The following XKR9 variants were observed in gnomAD, a reference collection of about 807,000 sequenced individuals.
XKR9 encodes XK related 9.
In XKR9, 32 loss-of-function variants were observed where a neutral mutation model predicts 32.0. The ratio of observed to expected loss-of-function variants is 1.00; its 90% CI spans 0.76 to 1.34. XKR9 has a LOEUF of 1.34. XKR9 is among the 40% of genes most tolerant of loss of function. The pLI is 0.00. For synonymous variants in XKR9, 168 were observed against 143.4 expected (o/e 1.17, Z -1.22); for missense variants, 546 against 429.7 (o/e 1.27, Z -2.39).
chr8:70,785,213 A>G (rs751506867), intron 2 of XKR9, among the ~76,000 whole-genome samples: 13 of 151,792 alleles, frequency 8.6e-5, no homozygotes, highest in Non-Finnish European at 1.3e-4. Context: ...CAGATTTTCT[A>G]TTTCTTCATT....
chr8:70,770,731 C>T (rs1399289099), intron 2 of XKR9, among the ~76,000 whole-genome samples: 1 of 152,160 alleles, frequency 6.6e-6, no homozygotes, highest in African/African-American at 2.4e-5. Flanking sequence ...AAACTGCCTA[C>T]TCAAGCCTCA....
chr8:71,062,998 A>G, the XKR9 span, among the ~76,000 whole-genome samples: 1 of 152,104 alleles, frequency 6.6e-6, no homozygotes, highest in Non-Finnish European at 1.5e-5. Context: ...TTGCAGATGT[A>G]TTCTTGCACT....
At chr8:70,883,658 C>A in the XKR9 span, among the ~76,000 whole-genome samples, 1 of 152,036 alleles carries the variant, frequency 6.6e-6, no homozygotes, top group East Asian at 1.9e-4. Flanking sequence ...TTCAGATTGG[C>A]TTCTTTCACT....
chr8:70,734,279 T>C lies in XKR9; in HGVS notation c.977T>C (p.Val326Ala). 2.5e-6 allele frequency: 4 copies of C among 1,612,672 alleles called. No homozygotes were observed. The highest frequency in any genetic ancestry group is 3.4e-6 in the Non-Finnish European group (4 of 1,179,214). Residue 326 changes from valine to alanine, a missense_variant, in exon 5 of 5, where the codon GTT (valine) becomes GCT (alanine). Physicochemically the swap from Val to Ala is moderately conservative, Grantham distance 64. Coordinates refer to ENST00000408926, the MANE Select transcript of XKR9 (RefSeq NM_001011720.2). ...DYFIPISITI[V>A]LTLLLGILFL... The stretch of plus-strand genomic sequence containing the variant: ...TTTATACCTATCAGTATAACTATAG[T>C]TCTTACTCTTCTTCTTGGAATTCTT...
the XKR9 span, among the ~76,000 whole-genome samples, chr8:71,034,117 T>C: frequency 6.6e-6 from 1 of 152,192 alleles, no homozygotes; most frequent in Admixed American, 6.5e-5. Context: ...AAGTGATTGA[T>C]ATGGTCTGGC....
intron 2 of XKR9, among the ~76,000 whole-genome samples, chr8:70,749,677 T>A (rs900425377): frequency 5.3e-5 from 8 of 152,102 alleles, no homozygotes; most frequent in Non-Finnish European, 1.2e-4. Context: ...TCCAGGCCAG[T>A]AGTGTGAGTT....
chr8:70,873,931 A>C, the XKR9 span, among the ~76,000 whole-genome samples: 1 of 152,194 alleles, frequency 6.6e-6, no homozygotes, highest in Non-Finnish European at 1.5e-5. Flanking sequence ...ACAAATTGCC[A>C]CATCATCCCA....
At chr8:71,009,334 G>GT in the XKR9 span, among the ~76,000 whole-genome samples, 1 of 152,134 alleles carries the variant, frequency 6.6e-6, no homozygotes, top group Admixed American at 6.5e-5. Flanking sequence ...GTTTTGTTTT[G>GT]TTTTTTGTTT....
chr8:70,880,342 T>G, the XKR9 span, among the ~76,000 whole-genome samples: 1 of 152,212 alleles, frequency 6.6e-6, no homozygotes, highest in Non-Finnish European at 1.5e-5. Context: ...TGTCCCTGTT[T>G]GCAAATGACA....
At chr8:70,761,426 T>C (rs1807307512) in intron 2 of XKR9, among the ~76,000 whole-genome samples, 1 of 152,210 alleles carries the variant, frequency 6.6e-6, no homozygotes, top group South Asian at 2.1e-4. Flanking sequence ...TGGTGTATCA[T>C]TGTGATTTCA....
the XKR9 span, among the ~76,000 whole-genome samples, chr8:70,868,187 G>C: frequency 6.6e-6 from 1 of 152,142 alleles, no homozygotes; most frequent in Non-Finnish European, 1.5e-5. Context: ...GCAAGCTGTT[G>C]GTGGAGCTAC....
chr8:70,818,059 G>C, the XKR9 span, among the ~76,000 whole-genome samples: 1 of 152,118 alleles, frequency 6.6e-6, no homozygotes, highest in Admixed American at 6.5e-5. Flanking sequence ...CTTGACTAAG[G>C]ATTTATGACA....
At chr8:70,723,538 G>A (rs1199877042) in intron 4 of XKR9, among the ~76,000 whole-genome samples, 1 of 152,164 alleles carries the variant, frequency 6.6e-6, no homozygotes, top group African/African-American at 2.4e-5. Context: ...ATTGCTTTCT[G>A]TTTGTTAGTT....
the XKR9 span, among the ~76,000 whole-genome samples, chr8:70,905,925 C>T: frequency 6.6e-6 from 1 of 152,330 alleles, no homozygotes; most frequent in African/African-American, 2.4e-5. Context: ...TTATCACCAG[C>T]GGAGGCTGCA....
At chr8:70,952,327 T>C in the XKR9 span, among the ~76,000 whole-genome samples, 1 of 152,330 alleles carries the variant, frequency 6.6e-6, no homozygotes, top group East Asian at 1.9e-4. Context: ...ATTTCCCCAA[T>C]TCTGTCCCCC....
chr8:71,054,833 T>A, the XKR9 span, among the ~76,000 whole-genome samples: 1 of 152,234 alleles, frequency 6.6e-6, no homozygotes, highest in Non-Finnish European at 1.5e-5. Flanking sequence ...TCTGCGCAGG[T>A]GTTGCTAAAG....
At chr8:70,822,364 A>AC in the XKR9 span, among the ~76,000 whole-genome samples, 1 of 151,966 alleles carries the variant, frequency 6.6e-6, no homozygotes, top group Admixed American at 6.6e-5. Context: ...ATGGAAGAAG[A>AC]CCTTGTCGAA....
At chr8:70,909,700 A>G in the XKR9 span, among the ~76,000 whole-genome samples, 4 of 125,142 alleles carry the variant, frequency 3.2e-5, no homozygotes, top group East Asian at 8.8e-4. Context: ...AGTTCGATTT[A>G]TCCTTTTTTT....
the XKR9 span, among the ~76,000 whole-genome samples, chr8:70,927,566 C>T: frequency 6.6e-6 from 1 of 152,088 alleles, no homozygotes; most frequent in Non-Finnish European, 1.5e-5. Context: ...GCAGTGTCCT[C>T]TGGAGAGGAT....
Sources: gnomAD v4.1 joint callset for allele counts (sites outside exome capture counted in the v4.1 genomes callset) on GRCh38, gnomAD v4.1.1 for gene constraint, MANE v1.5 for transcripts, NCBI Gene and HGNC (gene_info 2026-07-23, HGNC 2026-07-21) for gene names.